The following SLCO3A1 variants were observed in gnomAD, a reference collection of about 807,000 sequenced individuals.
The protein encoded by SLCO3A1 is solute carrier organic anion transporter family member 3A1, also known as PGE1 transporter.
Under a neutral mutation model 63.1 loss-of-function variants are expected in SLCO3A1, and 27 were observed. That is an observed-to-expected ratio of 0.43 (90% confidence interval 0.32 to 0.59). The LOEUF is 0.59. SLCO3A1 is among the 20% of genes least tolerant of loss of function. The pLI, the probability that SLCO3A1 is intolerant of heterozygous loss-of-function variation, is 0.09. For synonymous variants in SLCO3A1, 473 were observed against 409.9 expected (o/e 1.15, Z -1.86); for missense variants, 773 against 945.8 (o/e 0.82, Z 2.40).
intron 2 of SLCO3A1, among the ~76,000 whole-genome samples, chr15:91,966,184 C>G (rs566009199): frequency 6.6e-6 from 1 of 152,036 alleles, no homozygotes; most frequent in East Asian, 1.9e-4. Flanking sequence ...GGGGCCTCGG[C>G]TGGCAGCCCC....
rs1897947838 is a variant in SLCO3A1, at chr15:91,894,280, C to G, written c.181-21713C>G. Among the ~76,000 whole-genome samples the G allele has an allele frequency of 6.6e-6, 1 of 151,960 alleles. No homozygotes were observed. The highest frequency in any genetic ancestry group is 1.5e-5 in the Non-Finnish European group (1 of 67,972). ...ATAGCATCTTGCAGGCCAGGAGGGT[C>G]CGGAGTTAGGATTTTATTCCAGGCC... On this transcript the variant is annotated intron_variant, in intron 1 of 9. Coordinates refer to ENST00000318445, the MANE Select transcript of SLCO3A1 (RefSeq NM_013272.4). The surrounding 1 kb of genome is among the most constrained non-coding windows in gnomAD (Gnocchi z 4.8).
At chr15:92,149,731 A>G (rs1186230377) in intron 8 of SLCO3A1, 1 of 152,368 alleles carries the variant, frequency 6.6e-6, no homozygotes, top group East Asian at 1.9e-4. Context: ...CCAACAGGAT[A>G]TGAAGGGAGA....
intron 2 of SLCO3A1, among the ~76,000 whole-genome samples, chr15:91,964,742 AGTT>A (rs146943860): frequency 0.026 from 3,964 of 150,956 alleles, 99 homozygotes; most frequent in African/African-American, 0.059. Context: ...AAAATTAGAT[AGTT>A]TTTTTTTTTT....
chr15:92,132,818 C>A (rs1354914716), intron 7 of SLCO3A1, among the ~76,000 whole-genome samples: 1 of 144,912 alleles, frequency 6.9e-6, no homozygotes, highest in East Asian at 1.9e-4. Context: ...CATTATGGGC[C>A]CAGGCAGGCA....
At chr15:92,162,625 T>C (rs138367779) in intron 9 of SLCO3A1, 131 bp from the exon 10 acceptor site, 1 of 1,425,676 alleles carries the variant, frequency 7.0e-7, no homozygotes, top group Non-Finnish European at 9.4e-7. Context: ...CTTTGCCTCC[T>C]GAGCATGTCT....
At chr15:92,105,801 G>A (rs1016097800) in intron 4 of SLCO3A1, among the ~76,000 whole-genome samples, 3 of 152,210 alleles carry the variant, frequency 2.0e-5, no homozygotes, top group African/African-American at 2.4e-5. Flanking sequence ...GCAGGAATGC[G>A]GCACTCAGCC....
intron 9 of SLCO3A1, among the ~76,000 whole-genome samples, chr15:92,155,546 A>G (rs1024372911): frequency 3.9e-5 from 6 of 152,136 alleles, no homozygotes; most frequent in Admixed American, 6.5e-5. Context: ...TTCAGATGGG[A>G]GAGTGAATGT....
chr15:92,069,878 A>G (rs896034691), intron 2 of SLCO3A1, among the ~76,000 whole-genome samples: 5 of 152,024 alleles, frequency 3.3e-5, no homozygotes, highest in African/African-American at 1.2e-4. Flanking sequence ...CTCCCCACAA[A>G]AGATTAAAAA....
intron 4 of SLCO3A1, among the ~76,000 whole-genome samples, chr15:92,116,803 TA>T (rs952384109): frequency 6.6e-6 from 1 of 151,952 alleles, no homozygotes; most frequent in Non-Finnish European, 1.5e-5. Flanking sequence ...GTCATTGCAA[TA>T]AAACTGGGGA....
intron 2 of SLCO3A1, among the ~76,000 whole-genome samples, chr15:92,004,776 C>T (rs1459707923): frequency 6.6e-6 from 1 of 152,202 alleles, no homozygotes; most frequent in African/African-American, 2.4e-5. Flanking sequence ...TTAGTCCCGA[C>T]TGAAATCTGG....
chr15:92,082,491 C>T (rs1204558270), intron 2 of SLCO3A1, among the ~76,000 whole-genome samples: 1 of 152,126 alleles, frequency 6.6e-6, no homozygotes, highest in Non-Finnish European at 1.5e-5. Context: ...GCGTTTCCTC[C>T]TCACTCCTCC....
intron 7 of SLCO3A1, among the ~76,000 whole-genome samples, chr15:92,135,692 T>A (rs1481460135): frequency 6.6e-6 from 1 of 152,202 alleles, no homozygotes; most frequent in African/African-American, 2.4e-5. Flanking sequence ...TGTCTGGGAC[T>A]CAGAGAAGTA....
At chr15:91,926,417 A>G (rs1414176753) in intron 2 of SLCO3A1, among the ~76,000 whole-genome samples, 1 of 152,096 alleles carries the variant, frequency 6.6e-6, no homozygotes, top group Non-Finnish European at 1.5e-5. Context: ...AATATAACCA[A>G]TCCTGGCTCT....
chr15:92,051,536 T>G (rs1416432500), intron 2 of SLCO3A1, among the ~76,000 whole-genome samples: 3 of 152,146 alleles, frequency 2.0e-5, no homozygotes, highest in Non-Finnish European at 2.9e-5. Context: ...TGGAATATTT[T>G]TATTCCAATT....
chr15:91,876,002 A>G (rs915628374), intron 1 of SLCO3A1, among the ~76,000 whole-genome samples: 2 of 152,180 alleles, frequency 1.3e-5, no homozygotes, highest in African/African-American at 4.8e-5. Flanking sequence ...TCAGATCTCT[A>G]GATCCCAGAG....
chr15:92,060,829 T>C (rs1032196315), intron 2 of SLCO3A1, among the ~76,000 whole-genome samples: 1 of 152,208 alleles, frequency 6.6e-6, no homozygotes, highest in Non-Finnish European at 1.5e-5. Context: ...TTTATTTTTG[T>C]TCACTTTTTA....
intron 2 of SLCO3A1, among the ~76,000 whole-genome samples, chr15:92,032,199 A>G (rs1159541713): frequency 3.3e-5 from 5 of 152,156 alleles, no homozygotes; most frequent in African/African-American, 1.2e-4. Flanking sequence ...GGCATTAAAT[A>G]TTGTCCAGTA....
chr15:92,047,024 A>G (rs1333265841), intron 2 of SLCO3A1, among the ~76,000 whole-genome samples: 1 of 60,924 alleles, frequency 1.6e-5, no homozygotes, highest in Non-Finnish European at 3.1e-5. Flanking sequence ...TATATAATAT[A>G]TAAATATATA....
At position 91,885,929 on chromosome 15, in the gene SLCO3A1, T is replaced by C. The variant is rs560127330; in HGVS notation, c.181-30064T>C. On this transcript the variant is annotated intron_variant, in intron 1 of 9. Coordinates refer to ENST00000318445, the MANE Select transcript of SLCO3A1 (RefSeq NM_013272.4). This position sits in a 1 kb window ranked among gnomAD's most constrained non-coding sequence, Gnocchi z 4.7. ...AAAGGCCCTGGGGTTGAAATATGCT[T>C]GATGTGGTCGGGGAGTGGAAAGACC... 1.3e-5 allele frequency among the ~76,000 whole-genome samples: 2 copies of C among 152,144 alleles called. No homozygotes were observed. The highest frequency in any genetic ancestry group is 4.2e-4 in the South Asian group (2 of 4,816).
Sources: gnomAD v4.1 joint callset for allele counts (sites outside exome capture counted in the v4.1 genomes callset) on GRCh38, gnomAD v4.1.1 for gene constraint, Gnocchi (gnomAD v3.1) non-coding constraint, MANE v1.5 for transcripts, NCBI Gene and HGNC (gene_info 2026-07-23, HGNC 2026-07-21) for gene names.